The following L3MBTL4 variants were observed in gnomAD, a reference collection of about 807,000 sequenced individuals.
L3MBTL4 encodes lethal(3)malignant brain tumor-like protein 4.
L3MBTL4 carries 70 observed loss-of-function variants against 84.5 expected under a neutral mutation model. The observed-to-expected ratio is 0.83, with a 90% confidence interval of 0.68 to 1.01. The LOEUF is 1.01. L3MBTL4 is among the 50% of genes least tolerant of loss of function. The pLI is 0.00. For missense variants in L3MBTL4, 715 were observed against 754.8 expected (o/e 0.95, Z 0.62); for synonymous variants, 274 against 259.8 (o/e 1.05, Z -0.52).
At chr18:6,333,457 C>A (rs1489396347) in intron 1 of L3MBTL4, among the ~76,000 whole-genome samples, 1 of 152,004 alleles carries the variant, frequency 6.6e-6, no homozygotes, top group African/African-American at 2.4e-5. Context: ...TGCCTGTAGT[C>A]CCAGCTACGT....
chr18:6,106,552 G>T (rs2059015391), intron 14 of L3MBTL4, among the ~76,000 whole-genome samples: 1 of 152,164 alleles, frequency 6.6e-6, no homozygotes, highest in African/African-American at 2.4e-5. Context: ...TGGCCATCTG[G>T]ATAATTTCTT....
intron 1 of L3MBTL4, among the ~76,000 whole-genome samples, chr18:6,340,215 T>C (rs1255749700): frequency 6.6e-6 from 1 of 152,190 alleles, no homozygotes; most frequent in African/African-American, 2.4e-5. Flanking sequence ...GCCCTCATAC[T>C]GCCACAAAAA....
intron 12 of L3MBTL4, among the ~76,000 whole-genome samples, chr18:6,199,299 G>A (rs1568302954): frequency 2.0e-5 from 3 of 152,122 alleles, no homozygotes; most frequent in Non-Finnish European, 2.9e-5. Flanking sequence ...ACCATCCAAC[G>A]TAACAGCCAC....
chr18:6,166,294 T>C (rs1362843957), intron 13 of L3MBTL4, among the ~76,000 whole-genome samples: 2 of 152,044 alleles, frequency 1.3e-5, no homozygotes, highest in Non-Finnish European at 2.9e-5. Context: ...AACAAGGATA[T>C]CCAGGAATTG....
At chr18:6,173,985 A>C (rs1361862087) in intron 12 of L3MBTL4, among the ~76,000 whole-genome samples, 1 of 152,124 alleles carries the variant, frequency 6.6e-6, no homozygotes, top group Non-Finnish European at 1.5e-5. Flanking sequence ...TAACACTTTG[A>C]CAATTTGACT....
At chr18:6,033,615 T>A (rs1028365375) in intron 16 of L3MBTL4, among the ~76,000 whole-genome samples, 23 of 152,338 alleles carry the variant, frequency 1.5e-4, no homozygotes, top group African/African-American at 5.1e-4. Context: ...ATTACATTAG[T>A]TTTGTTTTCC....
At chr18:5,966,187 G>T (rs188575232) in intron 17 of L3MBTL4, among the ~76,000 whole-genome samples, 2 of 152,048 alleles carry the variant, frequency 1.3e-5, no homozygotes, top group Non-Finnish European at 2.9e-5. Flanking sequence ...TAAGTGCCAC[G>T]CTTGAAATCT....
rs2144572940 is a variant in L3MBTL4 at position 5,955,916 on chromosome 18, GA to G, written c.*303del. On this transcript the variant is annotated 3_prime_UTR_variant, in exon 19 of 19. Coordinates refer to ENST00000317931, the MANE Select transcript of L3MBTL4 (RefSeq NM_001330559.2). The stretch of plus-strand genomic sequence containing the variant: ...AAATGGTTTCTTTTCTGGTGACGGA[GA>G]AGAATAAAGGTGGATGTGTGGGCTT... 1 of 247,042 alleles carries G rather than the reference GA, an allele frequency of 4.0e-6. No homozygotes were observed. The highest frequency in any genetic ancestry group is 2.2e-5 in the African/African-American group (1 of 45,048). 15.3% of individuals were successfully genotyped at this position (247,042 alleles called of 1,614,324 possible).
At chr18:6,152,541 C>G (rs2042941571) in intron 13 of L3MBTL4, among the ~76,000 whole-genome samples, 1 of 152,112 alleles carries the variant, frequency 6.6e-6, no homozygotes, top group Admixed American at 6.5e-5. Context: ...TGTATGGCTT[C>G]TTCAGAAAAA....
chr18:6,178,289 C>T (rs1444874414), intron 12 of L3MBTL4, among the ~76,000 whole-genome samples: 1 of 152,110 alleles, frequency 6.6e-6, no homozygotes, highest in African/African-American at 2.4e-5. Context: ...CTCCCCTCCC[C>T]AACAAGGGCT....
At chr18:6,026,961 CAA>C (rs1676911086) in intron 16 of L3MBTL4, among the ~76,000 whole-genome samples, 1 of 152,130 alleles carries the variant, frequency 6.6e-6, no homozygotes, top group African/African-American at 2.4e-5. Context: ...AATATTCTTG[CAA>C]CCAGGAATCT....
intron 17 of L3MBTL4, among the ~76,000 whole-genome samples, chr18:5,964,787 C>T (rs972602083): frequency 8.5e-5 from 13 of 152,132 alleles, no homozygotes; most frequent in East Asian, 1.9e-4. Flanking sequence ...CCACATATCA[C>T]GCCCTGCCTG....
chr18:6,250,767 G>C (rs2047889692), intron 5 of L3MBTL4, among the ~76,000 whole-genome samples: 2 of 152,200 alleles, frequency 1.3e-5, no homozygotes, highest in African/African-American at 4.8e-5. Flanking sequence ...CAAAGGGAAA[G>C]ATGTTCACAG....
chr18:6,150,521 A>G (rs2042849472), intron 13 of L3MBTL4, among the ~76,000 whole-genome samples: 1 of 152,226 alleles, frequency 6.6e-6, no homozygotes, highest in Non-Finnish European at 1.5e-5. Context: ...CTGAAATCTA[A>G]CTCTACAATT....
chr18:6,248,964 A>C (rs1445161547), intron 5 of L3MBTL4, among the ~76,000 whole-genome samples: 2 of 152,202 alleles, frequency 1.3e-5, no homozygotes, highest in Non-Finnish European at 2.9e-5. Flanking sequence ...CTAAGGAAAA[A>C]CTTAAAAGAT....
intron 1 of L3MBTL4, among the ~76,000 whole-genome samples, chr18:6,339,622 A>C (rs1050880243): frequency 2.0e-5 from 3 of 152,186 alleles, no homozygotes; most frequent in Admixed American, 1.3e-4. Context: ...AATGGAATGG[A>C]AATAAAATGC....
At chr18:6,076,954 A>G (rs1000101514) in intron 16 of L3MBTL4, among the ~76,000 whole-genome samples, 1 of 152,146 alleles carries the variant, frequency 6.6e-6, no homozygotes, top group Non-Finnish European at 1.5e-5. Context: ...CGGCGACAGG[A>G]CAGAGCACCT....
chr18:6,164,665 C>G (rs927907168), intron 13 of L3MBTL4, among the ~76,000 whole-genome samples: 11 of 152,146 alleles, frequency 7.2e-5, no homozygotes, highest in Non-Finnish European at 1.5e-4. Context: ...ACATCCACAC[C>G]AAAAACCCAT....
chr18:6,209,309 C>A (rs1378867804), intron 12 of L3MBTL4, among the ~76,000 whole-genome samples: 1 of 152,130 alleles, frequency 6.6e-6, no homozygotes, highest in African/African-American at 2.4e-5. Context: ...ACTACTGTTA[C>A]TACTTCTACT....
Sources: gnomAD v4.1 joint callset for allele counts (sites outside exome capture counted in the v4.1 genomes callset) on GRCh38, gnomAD v4.1.1 for gene constraint, MANE v1.5 for transcripts, NCBI Gene and HGNC (gene_info 2026-07-23, HGNC 2026-07-21) for gene names.